Variants in FAM168B observed in about 807,000 individuals in gnomAD.
FAM168B encodes the protein myelin-associated neurite-outgrowth inhibitor.
FAM168B carries 19 observed loss-of-function variants against 21.8 expected under a neutral mutation model. The observed-to-expected ratio is 0.87, with a 90% CI of 0.61 to 1.28. The LOEUF (loss-of-function observed/expected upper bound fraction) is 1.28. Ranked by LOEUF, FAM168B falls within the 50% of genes most tolerant of loss-of-function variation. The probability of loss-of-function intolerance (pLI) is 0.00; values close to 1 mark genes in which losing one functional copy is unlikely to be tolerated. For missense variants in FAM168B, 233 were observed against 263.1 expected (o/e 0.89, Z 0.79); for synonymous variants, 126 against 104.8 (o/e 1.20, Z -1.24).
intron 1 of FAM168B, among the ~76,000 whole-genome samples, chr2:131,087,187 G>C (rs1386310273): frequency 6.6e-6 from 1 of 151,978 alleles, no homozygotes; most frequent in African/African-American, 2.4e-5. Flanking sequence ...GGCAGCGTTA[G>C]GCCAGGCACA....
chr2:131,059,156 C>CA (rs757163849), intron 3 of FAM168B, among the ~76,000 whole-genome samples: 2 of 152,154 alleles, frequency 1.3e-5, no homozygotes, highest in Non-Finnish European at 2.9e-5. Context: ...TGCCCTGTCA[C>CA]AGCGGAGATG....
rs891831662 is a variant in FAM168B at position 131,048,413 on chromosome 2, G to C, written c.*4052C>G. The C allele has an allele frequency of 2.4e-6, 3 of 1,261,826 alleles. No homozygotes were observed. Among genetic ancestry groups the C allele is most frequent in the Admixed American group, 2.4e-5 (1 of 41,002 alleles). The allele number at this position is 1,261,826 out of a possible 1,614,324, so 78.2% of individuals were successfully genotyped here. On this transcript the variant is annotated 3_prime_UTR_variant, in exon 7 of 7. Coordinates refer to ENST00000389915, the MANE Select transcript of FAM168B (RefSeq NM_001009993.4). ...ACCACCCTTCTGCAGGCCCGGGGGG[G>C]GGTCCCTACACAGACGCCGCTCATC...
chr2:131,048,622 T>C lies in FAM168B; in HGVS notation c.*3843A>G. 6 of 1,079,920 alleles carry C rather than the reference T, an allele frequency of 5.6e-6. No homozygotes were observed. The highest frequency in any genetic ancestry group is 5.7e-6 in the Non-Finnish European group (5 of 883,528). 66.9% of individuals were successfully genotyped at this position (1,079,920 alleles called of 1,614,324 possible). ...TGTGTTACTTGGTCAGTTGAGCCCC[T>C]GGAGCCCTCAGGACCTACTGATAAA... On this transcript the variant is annotated 3_prime_UTR_variant, in exon 7 of 7. Transcript: ENST00000389915.
Position 131,052,916 on chromosome 2 carries a change from G to A in FAM168B, c.575C>T (p.Pro192Leu). The change falls in exon 6 of 7, where the codon CCC becomes CTC. Residue 192 changes from proline (P) to leucine (L), a missense_variant. Physicochemically the swap from Pro to Leu is moderately conservative, Grantham distance 98. Transcript: ENST00000389915. ...ATTTGCAGGTGATCACCACTGAGGG[G>A]GCACATAGCTGTAAGTGGGCGTTCC... ...APGTPTYSYVPPQW is the reference protein window; with the variant it reads ...APGTPTYSYVLPQW 2.6e-6 allele frequency: 4 copies of A among 1,559,064 alleles called. No individual in the cohort carries two copies. The highest frequency in any genetic ancestry group is 3.5e-6 in the Non-Finnish European group (4 of 1,150,764).
At chr2:131,061,883 T>C (rs1298470732) in intron 3 of FAM168B, among the ~76,000 whole-genome samples, 1 of 152,020 alleles carries the variant, frequency 6.6e-6, no homozygotes, top group Non-Finnish European at 1.5e-5. Context: ...AAGATGCTGA[T>C]CTGGAAGATG....
intron 2 of FAM168B, among the ~76,000 whole-genome samples, chr2:131,073,330 T>C (rs1692975978): frequency 6.6e-6 from 1 of 152,146 alleles, no homozygotes; most frequent in African/African-American, 2.4e-5. Context: ...TGACCTCAGG[T>C]GATCCACCTG....
intron 3 of FAM168B, among the ~76,000 whole-genome samples, chr2:131,064,245 TC>T (rs1330339907): frequency 6.6e-6 from 1 of 152,150 alleles, no homozygotes; most frequent in African/African-American, 2.4e-5. Flanking sequence ...ATTTTTTTTT[TC>T]AAAAGTACTG....
At chr2:131,058,964 C>T (rs1263155143) in intron 3 of FAM168B, among the ~76,000 whole-genome samples, 1 of 152,090 alleles carries the variant, frequency 6.6e-6, no homozygotes, top group Non-Finnish European at 1.5e-5. Flanking sequence ...GTAGTGTGTC[C>T]GGCCATGTAC....
In FAM168B at chr2:131,082,698, C is replaced by A; in HGVS notation, c.-11-41G>T. On this transcript the variant is annotated intron_variant, in intron 1 of 6. Transcript: ENST00000389915. ...GGGAATTTAGCCAAGCACTTTTGCTCTCAGATTTTTCTCCAGTACCAGTCC... is the reference window on the plus strand; with the variant it reads ...GGGAATTTAGCCAAGCACTTTTGCTATCAGATTTTTCTCCAGTACCAGTCC... The A allele has an allele frequency of 2.1e-6, 3 of 1,422,014 alleles. No homozygotes were observed. The South Asian group carries it at 3.8e-5, about 18-fold the overall frequency. The allele number at this position is 1,422,014 out of a possible 1,614,324, so 88.1% of individuals were successfully genotyped here.
At chr2:131,070,529 AG>A (rs1692819858) in intron 3 of FAM168B, among the ~76,000 whole-genome samples, 1 of 152,234 alleles carries the variant, frequency 6.6e-6, no homozygotes, top group Non-Finnish European at 1.5e-5. Context: ...CATAATAACC[AG>A]CCACTCAAAT....
Position 131,048,783 on chromosome 2 carries a change from A to T in FAM168B, c.*3682T>A. ...AGGCCAACCACACTCTGCTTTAGAG[A>T]CCCTCTCAGAAAGCACCAGAGAGGA... is the stretch of plus-strand genomic sequence containing the variant. On this transcript the variant is annotated 3_prime_UTR_variant, in exon 7 of 7. Transcript: ENST00000389915. The T allele has an allele frequency of 1.0e-6, 1 of 986,178 alleles. No homozygotes were observed. The highest frequency in any genetic ancestry group is 1.2e-6 in the Non-Finnish European group (1 of 830,308). 61.1% of individuals were successfully genotyped at this position (986,178 alleles called of 1,614,324 possible). A position where few individuals can be genotyped will look rare whatever the true frequency, so the allele number is the denominator to read the frequency against.
intron 2 of FAM168B, among the ~76,000 whole-genome samples, chr2:131,077,883 G>A (rs1282947845): frequency 1.3e-5 from 2 of 152,192 alleles, no homozygotes; most frequent in Non-Finnish European, 2.9e-5. Flanking sequence ...AAGAGACAAA[G>A]ATCAGGGTAC....
At chr2:131,085,392 G>A (rs1253348710) in intron 1 of FAM168B, among the ~76,000 whole-genome samples, 3 of 152,112 alleles carry the variant, frequency 2.0e-5, no homozygotes, top group Non-Finnish European at 4.4e-5. Flanking sequence ...GTTGCACTTG[G>A]TTCTGTTTAA....
Position 131,066,073 on chromosome 2 carries a change from T to C in FAM168B, c.154+5782A>G, listed in dbSNP as rs375856192. On this transcript the variant is annotated intron_variant, in intron 3 of 6. Transcript: ENST00000389915. ...ACTACCAAACTGCCCTCCAAAGAAG[T>C]TTCTCCAATTTACCCTCCACCCAGC... 1.6e-4 allele frequency among the ~76,000 whole-genome samples: 25 copies of C among 152,142 alleles called. 1 individual carries two copies. In the South Asian group the frequency reaches 4.6e-3, roughly 28 times the overall value.
intron 2 of FAM168B, among the ~76,000 whole-genome samples, chr2:131,077,213 A>T (rs929893892): frequency 2.5e-3 from 212 of 86,402 alleles, no homozygotes; most frequent in African/African-American, 0.014. Flanking sequence ...TATTACATTT[A>T]AAAAAAAAAA....
Position 131,051,227 on chromosome 2 carries a change from C to A in FAM168B, c.*1238G>T. ...CCCATCTCTAAGCGTCCCCTCCAGC[C>A]GGCCTCAGCAGACAAGTCACCACCA... On this transcript the variant is annotated 3_prime_UTR_variant, in exon 7 of 7. Coordinates refer to ENST00000389915, the MANE Select transcript of FAM168B (RefSeq NM_001009993.4). 1 of 985,126 alleles carries A rather than the reference C, an allele frequency of 1.0e-6. No homozygotes were observed. The highest frequency in any genetic ancestry group is 1.2e-6 in the Non-Finnish European group (1 of 829,890). 61.0% of individuals were successfully genotyped at this position (985,126 alleles called of 1,614,324 possible).
chr2:131,065,002 C>T (rs907988274), intron 3 of FAM168B, among the ~76,000 whole-genome samples: 1 of 152,190 alleles, frequency 6.6e-6, no homozygotes, highest in Non-Finnish European at 1.5e-5. Flanking sequence ...GAAACTGCAA[C>T]AGGGCACAGG....
intron 1 of FAM168B, among the ~76,000 whole-genome samples, chr2:131,085,853 C>T (rs1165490509): frequency 2.0e-5 from 3 of 152,172 alleles, no homozygotes; most frequent in Non-Finnish European, 4.4e-5. Context: ...TGTGCTGTCC[C>T]CTACAGCAGC....
At position 131,076,588 on chromosome 2, in the gene FAM168B, G is replaced by C. The variant is rs1309702278; in HGVS notation, c.71-4650C>G. Among the ~76,000 whole-genome samples the C allele has an allele frequency of 1.3e-5, 2 of 150,454 alleles. 1 individual carries two copies. The highest frequency in any genetic ancestry group is 2.9e-5 in the Non-Finnish European group (2 of 67,832). ...GAATGGCGTGAACCTGGGAGGCGCA[G>C]CTTGCAGTGAGCCGAGATCGCGCCA... On this transcript the variant is annotated intron_variant, in intron 2 of 6. Transcript: ENST00000389915.
Sources: allele counts gnomAD v4.1 joint callset (sites outside exome capture counted in the v4.1 genomes callset), GRCh38; gene constraint gnomAD v4.1.1; transcripts MANE v1.5; gene names NCBI Gene and HGNC (gene_info 2026-07-23, HGNC 2026-07-21).